Variants in PAX2 observed in about 807,000 individuals in gnomAD.
PAX2 encodes the protein paired box protein Pax-2.
Under a neutral mutation model 41.7 loss-of-function variants are expected in PAX2, and 9 were observed. The ratio of observed to expected loss-of-function variants is 0.22; its 90% CI spans 0.13 to 0.38. PAX2 has a LOEUF of 0.38. Among genes scored for constraint, PAX2 ranks in the 10% least tolerant of loss-of-function variants. The probability of loss-of-function intolerance (pLI) is 1.00; values close to 1 mark genes in which losing one functional copy is unlikely to be tolerated. For missense variants in PAX2, 418 were observed against 531.6 expected, an observed-to-expected ratio of 0.79 and a Z score of 2.10; for synonymous variants, 221 against 212.7, an observed-to-expected ratio of 1.04 and a Z score of -0.34.
At chr10:100,800,273 C>CTTTTTTTTTTTTTT (rs59487758) in intron 5 of PAX2, among the ~76,000 whole-genome samples, 4 of 108,382 alleles carry the variant, frequency 3.7e-5, no homozygotes, top group Non-Finnish European at 6.9e-5. Flanking sequence ...TCTTTTCTTT[C>CTTTTTTTTTTTTTT]TTTTTTTTTT....
intron 3 of PAX2, among the ~76,000 whole-genome samples, chr10:100,760,907 G>A (rs1022196515): frequency 2.0e-5 from 3 of 152,168 alleles, no homozygotes; most frequent in Admixed American, 2.0e-4. Context: ...TCTCTGAGGA[G>A]CTGACACTAG....
upstream of PAX2, among the ~76,000 whole-genome samples, chr10:100,742,074 C>G (rs1844974675): frequency 6.6e-6 from 1 of 152,206 alleles, no homozygotes; most frequent in South Asian, 2.1e-4. Flanking sequence ...GGCCGGGCGC[C>G]TGGGCCCCGG....
At chr10:100,808,973 C>T (rs1330444823) in intron 6 of PAX2, 137 bp from the exon 7 acceptor site, 4 of 813,658 alleles carry the variant, frequency 4.9e-6, no homozygotes, top group Admixed American at 1.7e-5. Context: ...ACCAAGCCCC[C>T]GCATCTCCCC....
chr10:100,738,742 T>A (rs749861089), intron 1 of PAX2, among the ~76,000 whole-genome samples: 2 of 152,186 alleles, frequency 1.3e-5, no homozygotes, highest in Non-Finnish European at 2.9e-5. Context: ...TTTTCTTTTT[T>A]AGGAACAGTT....
In PAX2 at chr10:100,749,795, G is replaced by T. The variant is rs2133833681; in HGVS notation, c.93G>T (p.Arg31=). The T allele has an allele frequency of 3.1e-6, 5 of 1,611,984 alleles. No individual in the cohort carries two copies. The highest frequency in any genetic ancestry group is 4.2e-6 in the Non-Finnish European group (5 of 1,178,916). ...NQLGGVFVNG[R]PLPDVVRQRI... The stretch of plus-strand genomic sequence containing the variant: ...TCGGGGGGGTGTTTGTGAACGGCCG[G>T]CCCCTACCCGACGTGGTGAGGCAGC... The change falls in exon 2 of 10, where the codon CGG becomes CGT. Residue 31 remains arginine, a synonymous_variant. Transcript: ENST00000355243.
chr10:100,740,064 C>G (rs1844900125), intron 1 of PAX2, among the ~76,000 whole-genome samples: 4 of 152,224 alleles, frequency 2.6e-5, no homozygotes. Flanking sequence ...CCAGCCAGGC[C>G]TCTCCCCACC....
chr10:100,765,924 TCA>T (rs1301697973), intron 3 of PAX2, among the ~76,000 whole-genome samples: 120 of 152,018 alleles, frequency 7.9e-4, no homozygotes, highest in African/African-American at 2.9e-3. Flanking sequence ...TTTATCATCA[TCA>T]TCATCATCAT....
chr10:100,829,623 C>T lies in PAX2; in HGVS notation c.*2004C>T, dbSNP rs1352105772. On this transcript the variant is annotated 3_prime_UTR_variant, in exon 10 of 10. Coordinates refer to ENST00000355243, the MANE Select transcript of PAX2 (RefSeq NM_000278.5). ...TTGGAGTCCTCGCCCAGATCTCTCTCCCCTGCGAGCCCTTTTTATTTGAGA... is the reference window on the plus strand; with the variant it reads ...TTGGAGTCCTCGCCCAGATCTCTCTTCCCTGCGAGCCCTTTTTATTTGAGA... 2 of 205,526 alleles carry T rather than the reference C, an allele frequency of 9.7e-6. No individual in the cohort carries two copies. The highest frequency in any genetic ancestry group is 1.4e-4 in the East Asian group (2 of 14,046). 12.7% of individuals were successfully genotyped at this position (205,526 alleles called of 1,614,324 possible).
chr10:100,747,987 A>T (rs533033731), intron 1 of PAX2: 1 of 982,988 alleles, frequency 1.0e-6, no homozygotes, highest in Non-Finnish European at 1.2e-6. Flanking sequence ...GGAGGGAGAG[A>T]GCCGCAGCGC....
intron 5 of PAX2, chr10:100,786,809 G>T: frequency 2.0e-6 from 1 of 499,822 alleles, no homozygotes; most frequent in East Asian, 6.5e-5. Flanking sequence ...AGGCTGTGAG[G>T]GAATTGCAGC....
chr10:100,754,290 C>A (rs1306053510), intron 3 of PAX2, among the ~76,000 whole-genome samples: 1 of 152,246 alleles, frequency 6.6e-6, no homozygotes, highest in Non-Finnish European at 1.5e-5. Flanking sequence ...CAGGCACAGA[C>A]CCCAAATAGA....
At chr10:100,822,922 G>T (rs1361502988) in intron 7 of PAX2, among the ~76,000 whole-genome samples, 1 of 152,146 alleles carries the variant, frequency 6.6e-6, no homozygotes, top group African/African-American at 2.4e-5. Flanking sequence ...TTTTACAAGG[G>T]AAGTGGTGTG....
At chr10:100,817,338 C>T (rs902846794) in intron 7 of PAX2, among the ~76,000 whole-genome samples, 1 of 152,198 alleles carries the variant, frequency 6.6e-6, no homozygotes, top group African/African-American at 2.4e-5. Flanking sequence ...CCTTCTCAGC[C>T]CTTTGAAAAT....
chr10:100,742,843 C>CCTTTTTTTTTTTTT (rs1845014342), upstream of PAX2, among the ~76,000 whole-genome samples: 1 of 41,206 alleles, frequency 2.4e-5, no homozygotes, highest in African/African-American at 1.0e-4. Flanking sequence ...TTCTTTCTTC[C>CCTTTTTTTTTTTTT]TTTTTTTTTT....
At chr10:100,743,831 G>A (rs1398322809), upstream of PAX2, among the ~76,000 whole-genome samples, 1 of 152,230 alleles carries the variant, frequency 6.6e-6, no homozygotes, top group Non-Finnish European at 1.5e-5. Context: ...TCAACCTCTA[G>A]CCCAAGGGAA....
intron 3 of PAX2, among the ~76,000 whole-genome samples, chr10:100,761,846 G>C (rs936255873): frequency 4.6e-5 from 7 of 152,088 alleles, no homozygotes; most frequent in Non-Finnish European, 1.0e-4. Flanking sequence ...GTCAAATAGA[G>C]TTAGTAAATG....
upstream of PAX2, among the ~76,000 whole-genome samples, chr10:100,745,237 G>A (rs6584398): frequency 0.8 from 121,829 of 152,176 alleles, 48,991 homozygotes; most frequent in East Asian, 1. Flanking sequence ...TCCTTATCTA[G>A]CGTTTATCTT....
chr10:100,777,153 G>A (rs980340234), intron 3 of PAX2, among the ~76,000 whole-genome samples: 48 of 147,984 alleles, frequency 3.2e-4, no homozygotes, highest in African/African-American at 1.1e-3. Flanking sequence ...CTAGGCTGGA[G>A]TGCAGAGGCA....
At chr10:100,777,188 G>A (rs907988953) in intron 3 of PAX2, among the ~76,000 whole-genome samples, 1 of 144,222 alleles carries the variant, frequency 6.9e-6, no homozygotes, top group Non-Finnish European at 1.5e-5. Context: ...TGCAACCTCC[G>A]CCTCCTGGGT....
Sources: gnomAD v4.1 joint callset for allele counts (sites outside exome capture counted in the v4.1 genomes callset) on GRCh38, gnomAD v4.1.1 for gene constraint, MANE v1.5 for transcripts, NCBI Gene and HGNC (gene_info 2026-07-23, HGNC 2026-07-21) for gene names.